Variants in KCNK5 observed in about 807,000 individuals in gnomAD.
KCNK5 encodes potassium two pore domain channel subfamily K member 5.
KCNK5 carries 18 observed loss-of-function variants against 32.9 expected under a neutral mutation model. That is an observed-to-expected ratio of 0.55 (90% CI 0.38 to 0.81). The LOEUF (loss-of-function observed/expected upper bound fraction) is 0.81, where lower values mean the gene tolerates loss of function less well. Among genes scored for constraint, KCNK5 ranks in the 30% least tolerant of loss-of-function variants. KCNK5 has a pLI of 0.00. For synonymous variants in KCNK5, 276 were observed against 275.3 expected (o/e 1.00, Z -0.03); for missense variants, 507 against 651.0 (o/e 0.78, Z 2.41).
intron 2 of KCNK5, among the ~76,000 whole-genome samples, chr6:39,195,220 C>T (rs551495351): frequency 2.2e-4 from 34 of 152,290 alleles, no homozygotes; most frequent in African/African-American, 7.2e-4. Flanking sequence ...GTCTAGGCAG[C>T]GGAAGAGACG....
chr6:39,197,406 C>T (rs187653374), intron 1 of KCNK5, among the ~76,000 whole-genome samples: 275 of 152,348 alleles, frequency 1.8e-3, no homozygotes, highest in Non-Finnish European at 4.1e-4. Context: ...CAGCTCACTG[C>T]GCTGCCTCCT....
chr6:39,202,695 C>T (rs1166721622), intron 1 of KCNK5, among the ~76,000 whole-genome samples: 1 of 152,170 alleles, frequency 6.6e-6, no homozygotes, highest in African/African-American at 2.4e-5. Context: ...GACCACTTTC[C>T]TTACTGAATC....
Position 39,216,065 on chromosome 6 carries a change from C to T in KCNK5, c.186+12861G>A, listed in dbSNP as rs146784044. On this transcript the variant is annotated intron_variant, in intron 1 of 4. Transcript: ENST00000359534. ...TGGGAGGCCAAGGCGGGCAGATCAC[C>T]TGAGGTCAGGAGTTGGAGACCGGCC... 1.8e-3 allele frequency among the ~76,000 whole-genome samples: 279 copies of T among 152,290 alleles called. 1 individual carries two copies. Among genetic ancestry groups the T allele is most frequent in the African/African-American group, 6.1e-3 (252 of 41,576 alleles).
chr6:39,191,251 G>C lies in KCNK5; in HGVS notation c.1139C>G (p.Ala380Gly). ...GGGGGCAGGGGAGCTGTCTTCAGGG[G>C]CCCGTGCCACAGCCTCCTCATCTGG... ...RSPDEEAVAR[A>G]PEDSSPAPEV... Residue 380 changes from alanine to glycine, a missense_variant, in exon 5 of 5, where the codon GCC (alanine) becomes GGC (glycine). Ala to Gly is a moderately conservative substitution (Grantham distance 60). Coordinates refer to ENST00000359534, the MANE Select transcript of KCNK5 (RefSeq NM_003740.4). This position sits in a 1 kb window ranked among gnomAD's most constrained non-coding sequence, Gnocchi z 5.8. The C allele has an allele frequency of 6.2e-7, 1 of 1,614,092 alleles. No homozygotes were observed. Among genetic ancestry groups the C allele is most frequent in the Non-Finnish European group, 8.5e-7 (1 of 1,180,028 alleles).
At chr6:39,221,459 A>G (rs1771547098) in intron 1 of KCNK5, among the ~76,000 whole-genome samples, 1 of 152,224 alleles carries the variant, frequency 6.6e-6, no homozygotes, top group African/African-American at 2.4e-5. Flanking sequence ...TCCAATGGGA[A>G]TAGCAATACC....
Position 39,229,335 on chromosome 6 carries a change from G to A in KCNK5, c.-224C>T. On this transcript the variant is annotated 5_prime_UTR_variant, in exon 1 of 5. Coordinates refer to ENST00000359534, the MANE Select transcript of KCNK5 (RefSeq NM_003740.4). ...TGGGGCCCCACTCACGCGGCCCGGG[G>A]TGGGCGAACACCAGCGGGGCTGAAA... is the stretch of plus-strand genomic sequence containing the variant. 2 of 587,998 alleles carry A rather than the reference G, an allele frequency of 3.4e-6. No individual in the cohort carries two copies. Among genetic ancestry groups the A allele is most frequent in the South Asian group, 4.1e-5 (2 of 49,366 alleles). 36.4% of individuals were successfully genotyped at this position (587,998 alleles called of 1,614,324 possible).
intron 1 of KCNK5, among the ~76,000 whole-genome samples, chr6:39,197,537 C>T (rs1410623581): frequency 6.6e-6 from 1 of 152,230 alleles, no homozygotes; most frequent in Non-Finnish European, 1.5e-5. Context: ...CTCTGTCTAG[C>T]TGGCCAGACC....
chr6:39,193,962 G>A (rs1770984541), intron 4 of KCNK5, among the ~76,000 whole-genome samples: 1 of 152,186 alleles, frequency 6.6e-6, no homozygotes, highest in South Asian at 2.1e-4. Flanking sequence ...GGCCATGTCT[G>A]AGAAAGGGAA....
chr6:39,212,707 C>CA (rs1403768619), intron 1 of KCNK5, among the ~76,000 whole-genome samples: 1 of 152,188 alleles, frequency 6.6e-6, no homozygotes, highest in African/African-American at 2.4e-5. Context: ...AATGGATCAA[C>CA]ACTGGAAACA....
chr6:39,191,038 T>G lies in KCNK5; in HGVS notation c.1352A>C (p.Gln451Pro). 1 of 1,609,366 alleles carries G rather than the reference T, an allele frequency of 6.2e-7. No homozygotes were observed. The highest frequency in any genetic ancestry group is 8.5e-7 in the Non-Finnish European group (1 of 1,177,596). The change falls in exon 5 of 5, where the codon CAG (glutamine) becomes CCG (proline). Residue 451 changes from glutamine to proline, a missense_variant. Gln to Pro is a moderately conservative substitution (Grantham distance 76, BLOSUM62 -1). Coordinates refer to ENST00000359534, the MANE Select transcript of KCNK5 (RefSeq NM_003740.4). The surrounding 1 kb of genome is among the most constrained non-coding windows in gnomAD (Gnocchi z 5.8). ...DNLAGEESPQ[Q>P]GAEAKAPLNM... The stretch of plus-strand genomic sequence containing the variant: ...CAGGGGCGCCTTGGCTTCAGCCCCC[T>G]GCTGGGGGCTCTCCTCCCCTGCCAA...
At chr6:39,226,020 A>G (rs1165847386) in intron 1 of KCNK5, among the ~76,000 whole-genome samples, 1 of 152,250 alleles carries the variant, frequency 6.6e-6, no homozygotes, top group African/African-American at 2.4e-5. Flanking sequence ...ACTCTATTGG[A>G]GCCTCACCAA....
At chr6:39,216,445 G>A (rs1258213918) in intron 1 of KCNK5, among the ~76,000 whole-genome samples, 2 of 152,210 alleles carry the variant, frequency 1.3e-5, no homozygotes, top group African/African-American at 2.4e-5. Flanking sequence ...TGGGTGCTGG[G>A]AGTGATGGGG....
At chr6:39,199,716 C>T (rs542960861) in intron 1 of KCNK5, among the ~76,000 whole-genome samples, 11 of 152,214 alleles carry the variant, frequency 7.2e-5, no homozygotes, top group Non-Finnish European at 1.2e-4. Flanking sequence ...CTGCCCCTTG[C>T]GGTTGCCTCC....
At chr6:39,217,711 C>A (rs1416122092) in intron 1 of KCNK5, among the ~76,000 whole-genome samples, 1 of 152,132 alleles carries the variant, frequency 6.6e-6, no homozygotes, top group East Asian at 1.9e-4. Context: ...AGAGCGTGAG[C>A]CACCCCCTGC....
intron 1 of KCNK5, among the ~76,000 whole-genome samples, chr6:39,217,970 G>C (rs1771470549): frequency 6.6e-6 from 1 of 152,170 alleles, no homozygotes; most frequent in South Asian, 2.1e-4. Context: ...ACAGGAACGG[G>C]TGTGTTGGGG....
chr6:39,196,346 G>A (rs185196598), intron 1 of KCNK5, among the ~76,000 whole-genome samples: 6 of 152,196 alleles, frequency 3.9e-5, no homozygotes, highest in Non-Finnish European at 2.9e-5. Flanking sequence ...TTCTAAACAT[G>A]TTCCCAGGTG....
intron 1 of KCNK5, among the ~76,000 whole-genome samples, chr6:39,218,804 T>C (rs1771488308): frequency 6.6e-6 from 1 of 152,128 alleles, no homozygotes; most frequent in South Asian, 2.1e-4. Flanking sequence ...GAACTGCCCT[T>C]CTCCACTGCA....
At chr6:39,195,728 C>T (rs1771018813) in intron 2 of KCNK5, 148 bp downstream of exon 2, 1 of 559,770 alleles carries the variant, frequency 1.8e-6, no homozygotes, top group Non-Finnish European at 3.2e-6. Context: ...AAGGACTTAA[C>T]AAATCCCTAA....
In KCNK5 at chr6:39,228,911, C is replaced by T. The variant is rs1275167531; in HGVS notation, c.186+15G>A. On this transcript the variant is annotated intron_variant, in intron 1 of 4. Transcript: ENST00000359534. ...CCAGCTTCAGATGTATATGGGGGTA[C>T]AGGCGGCGACTGACCTCTAGGATCT... 6.2e-7 allele frequency: 1 copy of T among 1,613,360 alleles called. No homozygotes were observed. The highest frequency in any genetic ancestry group is 8.5e-7 in the Non-Finnish European group (1 of 1,179,624).
Sources: allele counts gnomAD v4.1 joint callset (sites outside exome capture counted in the v4.1 genomes callset), GRCh38; gene constraint gnomAD v4.1.1; non-coding constraint Gnocchi (gnomAD v3.1); transcripts MANE v1.5; gene names NCBI Gene and HGNC (gene_info 2026-07-23, HGNC 2026-07-21).